Variants in MICU1 observed in about 807,000 individuals in gnomAD.
MICU1 encodes mitochondrial calcium uptake 1.
Under a neutral mutation model 56.8 loss-of-function variants are expected in MICU1, and 45 were observed. That is an observed-to-expected ratio of 0.79 (90% CI 0.62 to 1.02). MICU1 has a LOEUF of 1.02. Ranked by LOEUF, MICU1 falls within the 50% of genes least tolerant of loss-of-function variation. The probability of loss-of-function intolerance (pLI) is 0.00; values close to 1 mark genes in which losing one functional copy is unlikely to be tolerated. For missense variants in MICU1, 504 were observed against 587.1 expected (o/e 0.86, Z 1.46); for synonymous variants, 186 against 195.1 (o/e 0.95, Z 0.39).
chr10:72,585,607 A>C (rs1202619514), intron 1 of MICU1, among the ~76,000 whole-genome samples: 1 of 151,874 alleles, frequency 6.6e-6, no homozygotes, highest in African/African-American at 2.4e-5. Flanking sequence ...AGGCAGGAGA[A>C]TCACTTGAAC....
chr10:72,565,461 G>A (rs1430116228), intron 2 of MICU1, among the ~76,000 whole-genome samples: 1 of 140,386 alleles, frequency 7.1e-6, no homozygotes, highest in Non-Finnish European at 1.5e-5. Context: ...GACACAGGAA[G>A]GGGAACATCA....
chr10:72,399,883 A>G (rs150633176), intron 10 of MICU1, among the ~76,000 whole-genome samples: 4 of 152,156 alleles, frequency 2.6e-5, no homozygotes, highest in Non-Finnish European at 5.9e-5. Flanking sequence ...GCTTGAGCCC[A>G]GGAGGCTGAG....
At chr10:72,481,470 G>A (rs1407967490) in intron 6 of MICU1, among the ~76,000 whole-genome samples, 1 of 152,070 alleles carries the variant, frequency 6.6e-6, no homozygotes, top group East Asian at 1.9e-4. Context: ...GGAGTGCAGT[G>A]GCATGATCTT....
intron 9 of MICU1, among the ~76,000 whole-genome samples, chr10:72,409,552 G>A (rs1863739504): frequency 6.6e-6 from 1 of 152,190 alleles, no homozygotes; most frequent in Non-Finnish European, 1.5e-5. Context: ...TTAGCCGAGT[G>A]TGGTGGCATG....
rs576747067 is a variant in MICU1 at position 72,546,062 on chromosome 10, T to C, written c.493+5117A>G. On this transcript the variant is annotated intron_variant, in intron 4 of 11. Transcript: ENST00000361114. ...GGCCTGAACCAGTTTCTCATGTATC[T>C]TTGGAATCCCTTTGGCTAAGGGGAG... is the stretch of plus-strand genomic sequence containing the variant. Among the ~76,000 whole-genome samples the C allele has an allele frequency of 4.3e-4, 66 of 152,336 alleles. 1 individual carries two copies. In the South Asian group the frequency reaches 0.014, roughly 32 times the overall value.
chr10:72,456,508 G>A (rs997476791), intron 8 of MICU1, among the ~76,000 whole-genome samples: 3 of 152,160 alleles, frequency 2.0e-5, no homozygotes, highest in African/African-American at 7.2e-5. Context: ...AGGAACTGGA[G>A]CCTAGTGCCT....
At chr10:72,599,428 C>T (rs887899849) in intron 1 of MICU1, among the ~76,000 whole-genome samples, 1 of 152,124 alleles carries the variant, frequency 6.6e-6, no homozygotes, top group Non-Finnish European at 1.5e-5. Flanking sequence ...AACCCTGAAC[C>T]ATGCAACTCC....
chr10:72,530,020 T>C (rs1221225085), intron 5 of MICU1, among the ~76,000 whole-genome samples: 1 of 146,774 alleles, frequency 6.8e-6, no homozygotes, highest in East Asian at 2.0e-4. Flanking sequence ...AAAGAATCTA[T>C]GACATATTAC....
At chr10:72,529,595 A>C (rs956435842) in intron 5 of MICU1, among the ~76,000 whole-genome samples, 1 of 152,182 alleles carries the variant, frequency 6.6e-6, no homozygotes, top group Non-Finnish European at 1.5e-5. Context: ...TATTACATGC[A>C]ATAGAAACAG....
chr10:72,589,241 A>G (rs1000469238), intron 1 of MICU1, among the ~76,000 whole-genome samples: 3 of 151,870 alleles, frequency 2.0e-5, no homozygotes, highest in African/African-American at 7.3e-5. Context: ...GTGGGCCGAG[A>G]TTGCGTCACT....
chr10:72,589,350 G>C (rs1259065489), intron 1 of MICU1, among the ~76,000 whole-genome samples: 2 of 151,688 alleles, frequency 1.3e-5, no homozygotes, highest in African/African-American at 4.8e-5. Flanking sequence ...CAACACATTA[G>C]ACCAAATAGG....
At chr10:72,475,633 C>T (rs1359101715) in intron 7 of MICU1, among the ~76,000 whole-genome samples, 3 of 151,980 alleles carry the variant, frequency 2.0e-5, no homozygotes, top group Non-Finnish European at 2.9e-5. Context: ...TTCACCAGGT[C>T]GGCCAGGCTG....
At chr10:72,480,896 C>T (rs1229248908) in intron 6 of MICU1, among the ~76,000 whole-genome samples, 1 of 152,246 alleles carries the variant, frequency 6.6e-6, no homozygotes, top group East Asian at 1.9e-4. Context: ...GTTAAATACA[C>T]TTTACCAAAC....
intron 7 of MICU1, 39 bp from the exon 8 acceptor site, chr10:72,475,336 G>A: frequency 2.7e-6 from 4 of 1,503,680 alleles, no homozygotes; most frequent in Admixed American, 2.1e-5. Context: ...AAAATATTAG[G>A]AAGTGAGAAA....
intron 6 of MICU1, among the ~76,000 whole-genome samples, chr10:72,480,730 TAC>T (rs1263950582): frequency 6.6e-6 from 1 of 152,176 alleles, no homozygotes; most frequent in Non-Finnish European, 1.5e-5. Context: ...TCTCCACAAT[TAC>T]AGAGGTGACA....
chr10:72,459,894 G>A (rs781631086), intron 8 of MICU1, among the ~76,000 whole-genome samples: 25 of 152,100 alleles, frequency 1.6e-4, no homozygotes, highest in Non-Finnish European at 2.8e-4. Flanking sequence ...CAGTGAATGG[G>A]ATTAACTGAA....
chr10:72,579,310 G>A (rs1297943866), intron 1 of MICU1, among the ~76,000 whole-genome samples: 1 of 152,018 alleles, frequency 6.6e-6, no homozygotes, highest in Non-Finnish European at 1.5e-5. Context: ...GTCTAGTAAG[G>A]GCCTGTTCCG....
chr10:72,389,435 T>C (rs1459053464), intron 10 of MICU1, among the ~76,000 whole-genome samples: 2 of 152,200 alleles, frequency 1.3e-5, no homozygotes, highest in Admixed American at 6.6e-5. Flanking sequence ...TACTTGGGGT[T>C]GCAGAAAGCT....
At chr10:72,518,547 G>A (rs961782287) in intron 5 of MICU1, among the ~76,000 whole-genome samples, 1 of 152,058 alleles carries the variant, frequency 6.6e-6, no homozygotes, top group Non-Finnish European at 1.5e-5. Flanking sequence ...TGTGAGATTA[G>A]GTAATAAATT....
Sources: gnomAD v4.1 joint callset for allele counts (sites outside exome capture counted in the v4.1 genomes callset) on GRCh38, gnomAD v4.1.1 for gene constraint, MANE v1.5 for transcripts, NCBI Gene and HGNC (gene_info 2026-07-23, HGNC 2026-07-21) for gene names.